The following CD36 variants were observed in gnomAD, a reference collection of about 807,000 sequenced individuals.
The protein encoded by CD36 is platelet glycoprotein 4.
A neutral mutation model predicts 55.2 loss-of-function variants in CD36; 119 were observed. The observed-to-expected ratio is 2.15, with a 90% CI of 1.86 to 2.51. The LOEUF is 2.51. CD36 is among the 30% of genes most tolerant of loss of function. The pLI is 0.00. For missense variants in CD36, 819 were observed against 555.5 expected (o/e 1.47, Z -4.77); for synonymous variants, 186 against 193.6 (o/e 0.96, Z 0.33).
chr7:80,676,083 T>TCTAAGATATACTGCCACTCTACA (rs1340364619), intron 14 of CD36: 1 of 152,132 alleles, frequency 6.6e-6, no homozygotes, highest in Non-Finnish European at 1.5e-5. Flanking sequence ...AAGTATGATA[T>TCTAAGATATACTGCCACTCTACA]CTAAGATATA....
intron 1 of CD36, among the ~76,000 whole-genome samples, chr7:80,622,180 T>G (rs1256358298): frequency 6.6e-6 from 1 of 152,236 alleles, no homozygotes; most frequent in Non-Finnish European, 1.5e-5. Context: ...AGCTGTTCCA[T>G]CACTCAATAA....
intron 1 of CD36, among the ~76,000 whole-genome samples, chr7:80,616,775 G>A (rs1793186809): frequency 6.6e-6 from 1 of 152,056 alleles, no homozygotes; most frequent in South Asian, 2.1e-4. Context: ...GCTCTAGGTT[G>A]GTTTTTCTTA....
intron 7 of CD36, 110 bp downstream of exon 7, chr7:80,664,607 G>T: frequency 1.3e-6 from 1 of 743,038 alleles, no homozygotes; most frequent in Non-Finnish European, 2.5e-6. Context: ...GAACAGACCT[G>T]GTTATAATTC....
intron 5 of CD36, among the ~76,000 whole-genome samples, chr7:80,662,758 T>A (rs1192387118): frequency 6.6e-6 from 1 of 152,152 alleles, no homozygotes; most frequent in Non-Finnish European, 1.5e-5. Context: ...TATCGTTAAA[T>A]AAATAGAGCT....
intron 3 of CD36, 101 bp downstream of exon 3, chr7:80,646,961 A>G: frequency 7.6e-7 from 1 of 1,308,422 alleles, no homozygotes; most frequent in Non-Finnish European, 1.1e-6. Flanking sequence ...GTAACTGCTA[A>G]TTTTGTATCT....
intron 14 of CD36, 139 bp downstream of exon 14, chr7:80,674,286 T>C: frequency 1.6e-6 from 1 of 631,748 alleles, no homozygotes; most frequent in East Asian, 2.8e-5. Context: ...TAAATATAGG[T>C]AAATAAACCT....
intron 13 of CD36, 115 bp downstream of exon 13, chr7:80,673,524 A>G (rs1797938495): frequency 2.7e-6 from 2 of 735,642 alleles, no homozygotes; most frequent in Admixed American, 3.9e-5. Context: ...CATTACCCAT[A>G]TGGATGAGTA....
intron 1 of CD36, among the ~76,000 whole-genome samples, chr7:80,604,972 A>G (rs1439229138): frequency 2.0e-5 from 3 of 152,110 alleles, no homozygotes; most frequent in Non-Finnish European, 4.4e-5. Flanking sequence ...TTTATGTAAA[A>G]TGTAGCAAAT....
intron 8 of CD36, among the ~76,000 whole-genome samples, chr7:80,667,747 G>GTTTTTTTTTTTTTTGTTTTTT (rs1797237668): frequency 1.2e-5 from 1 of 82,636 alleles, no homozygotes; most frequent in African/African-American, 4.2e-5. Flanking sequence ...GTTTTCTTTT[G>GTTTTTTTTTTTTTTGTTTTTT]TTTTTTTTTT....
chr7:80,628,841 G>A (rs1391793521), intron 1 of CD36, among the ~76,000 whole-genome samples: 1 of 152,030 alleles, frequency 6.6e-6, no homozygotes, highest in Admixed American at 6.6e-5. Flanking sequence ...ACAACACAAA[G>A]CAAACACAGG....
At chr7:80,673,845 G>A (rs1797974653) in intron 13 of CD36, 138 bp from the exon 14 acceptor site, 2 of 707,962 alleles carry the variant, frequency 2.8e-6, no homozygotes, top group South Asian at 1.6e-5. Context: ...CTTGCAAAAG[G>A]AATTCCATTA....
chr7:80,620,539 G>A (rs527325551), intron 1 of CD36, among the ~76,000 whole-genome samples: 17 of 152,208 alleles, frequency 1.1e-4, no homozygotes, highest in Non-Finnish European at 2.4e-4. Context: ...CACCCTCTAG[G>A]AACCTCCAAG....
rs547492305 is a variant in CD36 at position 80,621,462 on chromosome 7, G to A, written c.-184+19083G>A. Reference sequence around the variant, plus strand: ...GCTTTGGGACAAATAATACATGGAAGCATTTAACATGATAGCTGACTCGTG... The same window carrying A: ...GCTTTGGGACAAATAATACATGGAAACATTTAACATGATAGCTGACTCGTG... On this transcript the variant is annotated intron_variant, in intron 1 of 13. Transcript: ENST00000309881. Among the ~76,000 whole-genome samples the A allele has an allele frequency of 9.2e-5, 14 of 152,242 alleles. No individual in the cohort carries two copies. The South Asian group carries it at 2.5e-3, about 27-fold the overall frequency.
intron 1 of CD36, among the ~76,000 whole-genome samples, chr7:80,622,136 G>C (rs919279813): frequency 6.6e-6 from 1 of 152,204 alleles, no homozygotes; most frequent in Non-Finnish European, 1.5e-5. Context: ...ACCTTCAGGT[G>C]GGGGGACCAC....
At position 80,671,112 on chromosome 7, in the gene CD36, C is replaced by G; in HGVS notation, c.954C>G (p.Ile318Met). Residue 318 changes from isoleucine to methionine, a missense_variant, in exon 10 of 15, where the codon ATC becomes ATG. Physicochemically the swap from Ile to Met is conservative, Grantham distance 10 (BLOSUM62 1). Coordinates refer to ENST00000447544, the MANE Select transcript of CD36 (RefSeq NM_001001548.3). ...DNYCFCTEKIISKNCTSYGVL... is the reference protein window; with the variant it reads ...DNYCFCTEKIMSKNCTSYGVL... ...ATTGTTTCTGCACAGAAAAAATTAT[C>G]TCAAAAAATTGTACATCATATGGTG... The G allele has an allele frequency of 6.2e-7, 1 of 1,613,338 alleles. No individual in the cohort carries two copies. Among genetic ancestry groups the G allele is most frequent in the Non-Finnish European group, 8.5e-7 (1 of 1,179,590 alleles).
chr7:80,643,080 T>A (rs1794923144), intron 1 of CD36, among the ~76,000 whole-genome samples: 2 of 152,126 alleles, frequency 1.3e-5, no homozygotes, highest in East Asian at 3.9e-4. Context: ...TTTTCAGGTC[T>A]AGAGAGGGAG....
At chr7:80,635,679 G>A (rs2116194113), upstream of CD36, among the ~76,000 whole-genome samples, 1 of 152,248 alleles carries the variant, frequency 6.6e-6, no homozygotes, top group East Asian at 1.9e-4. Flanking sequence ...TTTCTACCAT[G>A]TTTAAGAGAG....
chr7:80,666,266 C>T, intron 7 of CD36, 177 bp from the exon 8 acceptor site: 1 of 585,448 alleles, frequency 1.7e-6, no homozygotes, highest in Non-Finnish European at 3.1e-6. Context: ...AGGTACATTG[C>T]AATAAGATAA....
rs1470832038 is a variant in CD36 at position 80,672,808 on chromosome 7, G to C, written c.1164G>C (p.Gln388His). The C allele has an allele frequency of 6.2e-7, 1 of 1,611,004 alleles. No individual in the cohort carries two copies. Among genetic ancestry groups the C allele is most frequent in the African/African-American group, 1.3e-5 (1 of 74,890 alleles). ...GFTLQFAKRL[Q>H]VNLLVKPSEK... ...CTTTACAATTTGCAAAACGGCTGCA[G>C]GTCAACCTATTGGTCAAGCCATCAG... The change falls in exon 12 of 15, where the codon CAG becomes CAC. Residue 388 changes from glutamine (Q) to histidine (H), a missense_variant. Physicochemically the swap from Gln to His is conservative, Grantham distance 24 (BLOSUM62 0). Coordinates refer to ENST00000447544, the MANE Select transcript of CD36 (RefSeq NM_001001548.3).
Sources: allele counts gnomAD v4.1 joint callset (sites outside exome capture counted in the v4.1 genomes callset), GRCh38; gene constraint gnomAD v4.1.1; transcripts MANE v1.5; gene names NCBI Gene and HGNC (gene_info 2026-07-23, HGNC 2026-07-21).